The following ARHGEF12 variants were observed in gnomAD, a reference collection of about 807,000 sequenced individuals.
ARHGEF12 encodes the protein KMT2A/ARHGEF12 fusion protein.
A neutral mutation model predicts 211.2 loss-of-function variants in ARHGEF12; 66 were observed. The ratio of observed to expected loss-of-function variants is 0.31; its 90% CI spans 0.26 to 0.38. ARHGEF12 has a LOEUF of 0.38. Among genes scored for constraint, ARHGEF12 ranks in the 10% least tolerant of loss-of-function variants. The pLI, the probability that ARHGEF12 is intolerant of heterozygous loss-of-function variation, is 1.00. For synonymous variants in ARHGEF12, 592 were observed against 638.4 expected, an observed-to-expected ratio of 0.93 and a Z score of 1.09; for missense variants, 1,429 against 1,869.5, an observed-to-expected ratio of 0.76 and a Z score of 4.34.
intron 20 of ARHGEF12, chr11:120,448,806 A>G: frequency 6.5e-6 from 2 of 308,156 alleles, no homozygotes; most frequent in South Asian, 7.3e-5. Context: ...AATGCTTAGT[A>G]AATATTTGTT....
rs201900980 is a variant in ARHGEF12 at position 120,354,414 on chromosome 11, G to GGA, written c.32+17146_32+17147dup. Among the ~76,000 whole-genome samples the GGA allele has an allele frequency of 2.7e-3, 406 of 152,264 alleles. 5 individuals carry two copies. The highest frequency in any genetic ancestry group is 0.02 in the Admixed American group (313 of 15,300). On this transcript the variant is annotated intron_variant, in intron 1 of 40. Coordinates refer to ENST00000397843, the MANE Select transcript of ARHGEF12 (RefSeq NM_015313.3). ...ATTCCAGCTTGACACTAACTAGGAA[G>GGA]GAGAGAGACCATGGGGGTCCCACAC...
At chr11:120,481,639 T>C in intron 39 of ARHGEF12, 63 bp downstream of exon 39, 2 of 1,496,648 alleles carry the variant, frequency 1.3e-6, no homozygotes, top group Non-Finnish European at 1.8e-6. Flanking sequence ...AGGGGAAGAA[T>C]AGGGTGATGA....
rs948342046 is a variant in ARHGEF12 at position 120,486,955 on chromosome 11, A to G, written c.*1878A>G. On this transcript the variant is annotated 3_prime_UTR_variant, in exon 41 of 41. Coordinates refer to ENST00000397843, the MANE Select transcript of ARHGEF12 (RefSeq NM_015313.3). ...AAATTTTAGAAGCAGAAGCTAATAT[A>G]TAAATGAAGTTTGGGATTTGGAACT... 2.4e-5 allele frequency: 5 copies of G among 211,960 alleles called. No individual in the cohort carries two copies. The highest frequency in any genetic ancestry group is 9.0e-5 in the African/African-American group (4 of 44,216). The allele number at this position is 211,960 out of a possible 1,614,324, so 13.1% of individuals were successfully genotyped here.
At position 120,398,309 on chromosome 11, in the gene ARHGEF12, T is replaced by C. The variant is rs575082291; in HGVS notation, c.33-7809T>C. On this transcript the variant is annotated intron_variant, in intron 1 of 40. Transcript: ENST00000397843. ...AGAGCAGTGATTCCCAATTCTGAGA[T>C]GTTGTAAGAGGAATGTCAGAATTCC... Among the ~76,000 whole-genome samples the C allele has an allele frequency of 5.9e-5, 9 of 152,348 alleles. No individual in the cohort carries two copies. In the South Asian group the frequency reaches 1.9e-3, roughly 32 times the overall value.
chr11:120,471,743 T>C (rs1324045070), intron 30 of ARHGEF12, among the ~76,000 whole-genome samples: 3 of 152,146 alleles, frequency 2.0e-5, no homozygotes, highest in East Asian at 1.9e-4. Flanking sequence ...TAAATAGATA[T>C]ATGATAAAAC....
intron 11 of ARHGEF12, 113 bp from the exon 12 acceptor site, chr11:120,437,195 T>C (rs1264868583): frequency 1.6e-6 from 1 of 624,748 alleles, no homozygotes; most frequent in Non-Finnish European, 2.7e-6. Context: ...AGATATTTAG[T>C]AGTTGTAAAT....
intron 39 of ARHGEF12, among the ~76,000 whole-genome samples, chr11:120,483,820 T>A (rs977879638): frequency 6.6e-6 from 1 of 152,124 alleles, no homozygotes; most frequent in Admixed American, 6.5e-5. Context: ...TTCACCATGT[T>A]AGCCTGGATG....
At chr11:120,457,477 AAAAT>A (rs1168819032) in intron 23 of ARHGEF12, 23 of 440,992 alleles carry the variant, frequency 5.2e-5, no homozygotes, top group South Asian at 8.6e-5. Context: ...TGTAAAAAAT[AAAAT>A]AAATAAATAA....
intron 1 of ARHGEF12, among the ~76,000 whole-genome samples, chr11:120,381,190 T>A (rs1222325605): frequency 6.6e-6 from 1 of 152,252 alleles, no homozygotes; most frequent in Middle Eastern, 3.2e-3. Flanking sequence ...GTGTGAATAC[T>A]AACCCATGTA....
rs778750432 is a variant in ARHGEF12, at chr11:120,485,105, G to T, written c.*28G>T. The T allele has an allele frequency of 4.3e-6, 7 of 1,613,368 alleles. No homozygotes were observed. Among genetic ancestry groups the T allele is most frequent in the South Asian group, 1.1e-5 (1 of 90,984 alleles). ...CCGCATGTCCTGGAGGTGACTGCAGGTTGTTGGATTTGGAGTATCGGCCGT... is the reference window on the plus strand; with the variant it reads ...CCGCATGTCCTGGAGGTGACTGCAGTTTGTTGGATTTGGAGTATCGGCCGT... On this transcript the variant is annotated 3_prime_UTR_variant, in exon 41 of 41. Transcript: ENST00000397843.
intron 32 of ARHGEF12, 64 bp from the exon 33 acceptor site, chr11:120,475,276 T>C: frequency 6.9e-7 from 1 of 1,459,668 alleles, no homozygotes; most frequent in African/African-American, 1.4e-5. Context: ...TGAATCATTA[T>C]AAAGTTAATC....
chr11:120,408,573 G>A (rs984619752), intron 3 of ARHGEF12: 8 of 152,006 alleles, frequency 5.3e-5, no homozygotes, highest in Non-Finnish European at 1.0e-4. Flanking sequence ...GACAAGAGAC[G>A]AAGTAAATCC....
At chr11:120,474,103 T>C (rs115816614) in intron 31 of ARHGEF12, among the ~76,000 whole-genome samples, 465 of 152,376 alleles carry the variant, frequency 3.1e-3, no homozygotes, top group African/African-American at 0.011. Flanking sequence ...AGACCAAGTC[T>C]GAGTAGTACC....
Position 120,406,103 on chromosome 11 carries a change from TTTTC to T in ARHGEF12, c.33-11_33-8del, listed in dbSNP as rs760924233. On this transcript the variant is annotated splice_polypyrimidine_tract_variant and intron_variant, in intron 1 of 40. Coordinates refer to ENST00000397843, the MANE Select transcript of ARHGEF12 (RefSeq NM_015313.3). Reference sequence around the variant, plus strand: ...TAAAGTAACTACATCTATCCTTATTTTTTCTTTGTTTCAGGTTTCCCCTCAAAAA... The same window carrying T: ...TAAAGTAACTACATCTATCCTTATTTTTTGTTTCAGGTTTCCCCTCAAAAA... 4 of 1,537,430 alleles carry T rather than the reference TTTTC, an allele frequency of 2.6e-6. No homozygotes were observed.
chr11:120,367,189 TG>T (rs1231047598), intron 1 of ARHGEF12, among the ~76,000 whole-genome samples: 1 of 152,058 alleles, frequency 6.6e-6, no homozygotes, highest in Non-Finnish European at 1.5e-5. Flanking sequence ...GTGATTCTGT[TG>T]TTTACATCTC....
At chr11:120,374,946 A>T (rs1179482389) in intron 1 of ARHGEF12, among the ~76,000 whole-genome samples, 5 of 152,176 alleles carry the variant, frequency 3.3e-5, no homozygotes, top group African/African-American at 1.2e-4. Flanking sequence ...AGAAGGGTAT[A>T]CTAGTAATTT....
chr11:120,457,814 T>C, intron 24 of ARHGEF12, 58 bp downstream of exon 24: 1 of 1,553,620 alleles, frequency 6.4e-7, no homozygotes, highest in Non-Finnish European at 8.8e-7. Context: ...GTAACCTTTT[T>C]TCCTCTAAAG....
At chr11:120,475,539 CA>C (rs771388370) in intron 33 of ARHGEF12, 32 bp downstream of exon 33, 5 of 1,604,158 alleles carry the variant, frequency 3.1e-6, no homozygotes, top group Non-Finnish European at 4.3e-6. Flanking sequence ...TACTAATTTC[CA>C]GATTCATTGT....
chr11:120,422,463 C>T (rs1945221182), intron 6 of ARHGEF12, among the ~76,000 whole-genome samples: 1 of 152,058 alleles, frequency 6.6e-6, no homozygotes, highest in African/African-American at 2.4e-5. Context: ...TAAAACCAAA[C>T]CAAAACAAAA....
Sources: gnomAD v4.1 joint callset for allele counts (sites outside exome capture counted in the v4.1 genomes callset) on GRCh38, gnomAD v4.1.1 for gene constraint, MANE v1.5 for transcripts, NCBI Gene and HGNC (gene_info 2026-07-23, HGNC 2026-07-21) for gene names.